Variants in VAPB observed in about 807,000 individuals in gnomAD.
VAPB encodes vesicle-associated membrane protein-associated protein B/C.
A neutral mutation model predicts 25.6 loss-of-function variants in VAPB; 7 were observed. The observed-to-expected ratio is 0.27, with a 90% CI of 0.16 to 0.51. The LOEUF (loss-of-function observed/expected upper bound fraction) is 0.51. Among genes scored for constraint, VAPB ranks in the 20% least tolerant of loss-of-function variants. The pLI is 0.97. For missense variants in VAPB, 266 were observed against 301.3 expected (o/e 0.88, Z 0.87); for synonymous variants, 112 against 109.2 (o/e 1.03, Z -0.16).
intron 1 of VAPB, among the ~76,000 whole-genome samples, chr20:58,417,058 C>A (rs1358903999): frequency 6.6e-6 from 1 of 152,206 alleles, no homozygotes; most frequent in Admixed American, 6.5e-5. Flanking sequence ...CTTTCCCCAC[C>A]TTCACTTCCT....
intron 1 of VAPB, among the ~76,000 whole-genome samples, chr20:58,394,242 GT>G (rs1987892665): frequency 6.6e-6 from 1 of 152,134 alleles, no homozygotes; most frequent in Non-Finnish European, 1.5e-5. Context: ...TGTTTGTTTT[GT>G]TTTGTTTTTT....
At chr20:58,434,945 T>G (rs1989008439) in intron 3 of VAPB, among the ~76,000 whole-genome samples, 1 of 152,216 alleles carries the variant, frequency 6.6e-6, no homozygotes, top group South Asian at 2.1e-4. Flanking sequence ...CTGAGCTCAG[T>G]GTGCTTCAGC....
Position 58,450,551 on chromosome 20 carries a change from A to C in VAPB, c.*6316A>C, listed in dbSNP as rs778588835. On this transcript the variant is annotated 3_prime_UTR_variant, in exon 6 of 6. Coordinates refer to ENST00000475243, the MANE Select transcript of VAPB (RefSeq NM_004738.5). ...CAACTGCTGCCATTTGGAACTTCCTATAAGAAACTAAAAATGATCTATTTC... is the reference window on the plus strand; with the variant it reads ...CAACTGCTGCCATTTGGAACTTCCTCTAAGAAACTAAAAATGATCTATTTC... 6.6e-6 allele frequency: 3 copies of C among 453,794 alleles called. No homozygotes were observed. The highest frequency in any genetic ancestry group is 6.0e-5 in the African/African-American group (3 of 49,944). The allele number at this position is 453,794 out of a possible 1,614,324, so 28.1% of individuals were successfully genotyped here.
At chr20:58,405,061 A>G (rs2123034735) in intron 1 of VAPB, among the ~76,000 whole-genome samples, 1 of 152,340 alleles carries the variant, frequency 6.6e-6, no homozygotes, top group East Asian at 1.9e-4. Context: ...ATAAATGGGA[A>G]AAAAACAACT....
Position 58,447,963 on chromosome 20 carries a change from C to T in VAPB, c.*3728C>T, listed in dbSNP as rs1047385552. The T allele has an allele frequency of 2.2e-5, 10 of 453,780 alleles. No individual in the cohort carries two copies. The highest frequency in any genetic ancestry group is 4.4e-5 in the Non-Finnish European group (10 of 226,726). 28.1% of individuals were successfully genotyped at this position (453,780 alleles called of 1,614,324 possible). A position where few individuals can be genotyped will look rare whatever the true frequency, so the allele number is the denominator to read the frequency against. On this transcript the variant is annotated 3_prime_UTR_variant, in exon 6 of 6. Coordinates refer to ENST00000475243, the MANE Select transcript of VAPB (RefSeq NM_004738.5). ...TTCTCGGTGTAGAGGCCACTGCTTC[C>T]CCCTGCTGGAGATGGCATTTCATTG...
chr20:58,411,131 G>A (rs1044286963), intron 1 of VAPB, among the ~76,000 whole-genome samples: 1 of 152,168 alleles, frequency 6.6e-6, no homozygotes, highest in South Asian at 2.1e-4. Context: ...TCTGTGCACC[G>A]TTTTTCATTC....
In VAPB at chr20:58,447,758, TTG is replaced by T. The variant is rs1476760489; in HGVS notation, c.*3527_*3528del. On this transcript the variant is annotated 3_prime_UTR_variant, in exon 6 of 6. Transcript: ENST00000475243. ...TATATTTTTTTGCATACACAAATTT[TTG>T]TGTTTGCAAACTCAGAATCCATGCC... 3 of 453,768 alleles carry T rather than the reference TTG, an allele frequency of 6.6e-6. No homozygotes were observed. Among genetic ancestry groups the T allele is most frequent in the Non-Finnish European group, 1.3e-5 (3 of 226,556 alleles). The allele number at this position is 453,768 out of a possible 1,614,324, so 28.1% of individuals were successfully genotyped here.
At chr20:58,425,907 A>T (rs570567659) in intron 2 of VAPB, among the ~76,000 whole-genome samples, 3 of 152,112 alleles carry the variant, frequency 2.0e-5, no homozygotes, top group East Asian at 3.9e-4. Flanking sequence ...ATATTTATTT[A>T]TTTTTGACAA....
Position 58,445,336 on chromosome 20 carries a change from C to T in VAPB, c.*1101C>T. 1 of 454,478 alleles carries T rather than the reference C, an allele frequency of 2.2e-6. No individual in the cohort carries two copies. The highest frequency in any genetic ancestry group is 4.4e-6 in the Non-Finnish European group (1 of 226,748). 28.2% of individuals were successfully genotyped at this position (454,478 alleles called of 1,614,324 possible). A position where few individuals can be genotyped will look rare whatever the true frequency, so the allele number is the denominator to read the frequency against. The stretch of plus-strand genomic sequence containing the variant: ...TCCCCTTGGGGACCTAGCCTGGAGT[C>T]AGGACAAATGGATCGGGCTGCAGAG... On this transcript the variant is annotated 3_prime_UTR_variant, in exon 6 of 6. Coordinates refer to ENST00000475243, the MANE Select transcript of VAPB (RefSeq NM_004738.5).
chr20:58,401,011 T>C (rs1418865478), intron 1 of VAPB, among the ~76,000 whole-genome samples: 1 of 152,222 alleles, frequency 6.6e-6, no homozygotes, highest in East Asian at 1.9e-4. Context: ...TTCATGTAAT[T>C]TGCGGGCAGG....
intron 2 of VAPB, among the ~76,000 whole-genome samples, chr20:58,421,367 CTG>C (rs1988665227): frequency 6.6e-6 from 1 of 152,182 alleles, no homozygotes; most frequent in South Asian, 2.1e-4. Context: ...CTTGAATTGA[CTG>C]TTTAGAAATA....
chr20:58,396,042 C>T (rs1987951323), intron 1 of VAPB, among the ~76,000 whole-genome samples: 1 of 152,168 alleles, frequency 6.6e-6, no homozygotes, highest in Non-Finnish European at 1.5e-5. Flanking sequence ...ACAAACCCCC[C>T]TTGCATGGGG....
At chr20:58,396,463 C>CT (rs747519613) in intron 1 of VAPB, among the ~76,000 whole-genome samples, 7 of 152,174 alleles carry the variant, frequency 4.6e-5, no homozygotes, top group Non-Finnish European at 7.3e-5. Context: ...TTAGCTTGTA[C>CT]TTTAAGACAA....
rs1393702146 is a variant in VAPB at position 58,449,622 on chromosome 20, A to T, written c.*5387A>T. The T allele has an allele frequency of 2.2e-6, 1 of 453,928 alleles. No individual in the cohort carries two copies. Among genetic ancestry groups the T allele is most frequent in the African/African-American group, 2.0e-5 (1 of 50,016 alleles). The allele number at this position is 453,928 out of a possible 1,614,324, so 28.1% of individuals were successfully genotyped here. On this transcript the variant is annotated 3_prime_UTR_variant, in exon 6 of 6. Transcript: ENST00000475243. ...TGCTTTGATTAAAAGATGTCAGTTGAATAAAACAGTACTGTGGGAGAATCG... is the reference window on the plus strand; with the variant it reads ...TGCTTTGATTAAAAGATGTCAGTTGTATAAAACAGTACTGTGGGAGAATCG...
chr20:58,426,645 A>C (rs528901379), intron 2 of VAPB, among the ~76,000 whole-genome samples: 1 of 152,330 alleles, frequency 6.6e-6, no homozygotes, highest in Admixed American at 6.5e-5. Flanking sequence ...ATTGCCTTTT[A>C]CTTAGGAAAT....
chr20:58,414,428 C>T lies in VAPB; in HGVS notation c.59-3783C>T, dbSNP rs1235389483. Among the ~76,000 whole-genome samples, 185 of 149,492 alleles carry T rather than the reference C, an allele frequency of 1.2e-3. No individual in the cohort carries two copies. The Middle Eastern group carries it at 0.014, about 12-fold the overall frequency. The stretch of plus-strand genomic sequence containing the variant: ...GCGGAGAGGCTCCCCACCCCTCAGA[C>T]GGGGCAGCCGCCGGGCGGAGGGTCT... On this transcript the variant is annotated intron_variant, in intron 1 of 5. Transcript: ENST00000475243.
intron 2 of VAPB, among the ~76,000 whole-genome samples, chr20:58,429,969 G>C (rs1481918151): frequency 7.7e-6 from 1 of 130,684 alleles, no homozygotes; most frequent in African/African-American, 2.7e-5. Context: ...AGCTACTCAG[G>C]AGGCAAGGCA....
Position 58,405,742 on chromosome 20 carries a change from C to CTTTTTTTT in VAPB, c.59-12450_59-12443dup, listed in dbSNP as rs71181964. Among the ~76,000 whole-genome samples the CTTTTTTTT allele has an allele frequency of 6.9e-5, 3 of 43,468 alleles. 1 individual carries two copies. The highest frequency in any genetic ancestry group is 3.0e-4 in the African/African-American group (3 of 9,948). The allele number at this position is 43,468 out of a possible 152,430, so 28.5% of individuals were successfully genotyped here. ...TGAGCCATCACGCCTGGCCAGGAGC[C>CTTTTTTTT]TTTTTTTTTTTTTTTTTTTTTTTTT... On this transcript the variant is annotated intron_variant, in intron 1 of 5. Coordinates refer to ENST00000475243, the MANE Select transcript of VAPB (RefSeq NM_004738.5).
Position 58,444,461 on chromosome 20 carries a change from A to ACATTAAAAGTTG in VAPB, c.*226_*227insCATTAAAAGTTG, listed in dbSNP as rs771004811. On this transcript the variant is annotated 3_prime_UTR_variant, in exon 6 of 6. Coordinates refer to ENST00000475243, the MANE Select transcript of VAPB (RefSeq NM_004738.5). ...TGTATAGTAACTGATTGAGGGGGAA[A>ACATTAAAAGTTG]AGAATGATCTTTATTAATGACAAGG... The ACATTAAAAGTTG allele has an allele frequency of 1.4e-5, 9 of 641,740 alleles. No individual in the cohort carries two copies. Among genetic ancestry groups the ACATTAAAAGTTG allele is most frequent in the Non-Finnish European group, 2.6e-5 (9 of 349,584 alleles). The allele number at this position is 641,740 out of a possible 1,614,324, so 39.8% of individuals were successfully genotyped here.
Sources: allele counts gnomAD v4.1 joint callset (sites outside exome capture counted in the v4.1 genomes callset), GRCh38; gene constraint gnomAD v4.1.1; transcripts MANE v1.5; gene names NCBI Gene and HGNC (gene_info 2026-07-23, HGNC 2026-07-21).